Variants in MPP2 observed in about 807,000 individuals in gnomAD.
MPP2 encodes the protein MAGUK p55 subfamily member 2.
MPP2 carries 42 observed loss-of-function variants against 58.5 expected under a neutral mutation model. That is an observed-to-expected ratio of 0.72 (90% CI 0.56 to 0.93). The LOEUF is 0.93. MPP2 is among the 40% of genes least tolerant of loss of function. The pLI is 0.00. For missense variants in MPP2, 632 were observed against 760.4 expected (o/e 0.83, Z 1.99); for synonymous variants, 300 against 307.8 (o/e 0.97, Z 0.26).
chr17:43,902,268 A>G (rs1254083650), intron 2 of MPP2, among the ~76,000 whole-genome samples: 1 of 151,848 alleles, frequency 6.6e-6, no homozygotes, highest in Non-Finnish European at 1.5e-5. Flanking sequence ...CCAAGGCTCC[A>G]CTCCCTGTCC....
chr17:43,909,143 C>T (rs914117542), upstream of MPP2, among the ~76,000 whole-genome samples: 2 of 152,090 alleles, frequency 1.3e-5, no homozygotes, highest in African/African-American at 4.8e-5. Flanking sequence ...CTCGGCTCGT[C>T]GCAACCTCTG....
At chr17:43,878,035 C>A in intron 12 of MPP2, 52 bp from the exon 13 acceptor site, 2 of 1,557,836 alleles carry the variant, frequency 1.3e-6, no homozygotes, top group South Asian at 1.2e-5. Flanking sequence ...AACTCACCCC[C>A]ACTGTCAGAA....
intron 2 of MPP2, among the ~76,000 whole-genome samples, chr17:43,899,772 C>T (rs1272017119): frequency 2.0e-5 from 3 of 152,076 alleles, no homozygotes; most frequent in African/African-American, 4.8e-5. Flanking sequence ...GCAGCTGGGC[C>T]GCAACAATGC....
chr17:43,881,542 G>A lies in MPP2; in HGVS notation c.729C>T (p.Leu243=), dbSNP rs146551557. ...HFDYDPARDS[L]IPCKEAGLRF... ...GCAGGCCTGCTTCCTTGCAGGGGAT[G>A]AGGCTGTCTCGGGCCGGGTCATAGT... Residue 243 remains leucine (L), a synonymous_variant, in exon 7 of 13, where the codon CTC becomes CTT. Transcript: ENST00000269095. The A allele has an allele frequency of 4.6e-5, 74 of 1,614,124 alleles. No individual in the cohort carries two copies. The African/African-American group carries it at 8.8e-4, about 19-fold the overall frequency.
chr17:43,882,073 T>C (rs550987420), intron 6 of MPP2, among the ~76,000 whole-genome samples: 37 of 152,338 alleles, frequency 2.4e-4, no homozygotes, highest in Non-Finnish European at 5.1e-4. Flanking sequence ...TGTGGCTGCG[T>C]GCATAATACC....
chr17:43,900,416 G>A (rs2048039618), intron 2 of MPP2: 1 of 1,534,754 alleles, frequency 6.5e-7, no homozygotes, highest in Non-Finnish European at 8.8e-7. Context: ...TCTGCTGGAG[G>A]AAGGTAGGCT....
chr17:43,890,002 C>T (rs546146230), intron 3 of MPP2, among the ~76,000 whole-genome samples: 62 of 151,682 alleles, frequency 4.1e-4, no homozygotes, highest in Middle Eastern at 3.4e-3. Context: ...TTAGTAGAGA[C>T]GGGGTTTCAC....
chr17:43,900,427 A>C, intron 2 of MPP2: 1 of 1,542,984 alleles, frequency 6.5e-7, no homozygotes, highest in Non-Finnish European at 8.7e-7. Flanking sequence ...AAGGTAGGCT[A>C]AGGGGCCAGC....
intron 3 of MPP2, chr17:43,884,049 T>G (rs929595700): frequency 5.7e-6 from 4 of 696,536 alleles, no homozygotes; most frequent in African/African-American, 3.5e-5. Flanking sequence ...TCTGAATCTT[T>G]GAAAGATCAT....
At chr17:43,907,156 AC>A in intron 1 of MPP2, 1 of 984,596 alleles carries the variant, frequency 1.0e-6, no homozygotes, top group African/African-American at 1.8e-5. Flanking sequence ...AGTACCCCCA[AC>A]CCGCACAGCC....
chr17:43,881,223 G>A, intron 8 of MPP2, 21 bp downstream of exon 8: 1 of 1,612,642 alleles, frequency 6.2e-7, no homozygotes, highest in Non-Finnish European at 8.5e-7. Context: ...TTGGAGGTGT[G>A]GGGTAGGGGG....
chr17:43,881,488 G>A lies in MPP2; in HGVS notation c.783C>T (p.Ile261=), dbSNP rs76832034. 2.3e-4 allele frequency: 370 copies of A among 1,614,152 alleles called. No homozygotes were observed. In the African/African-American group the frequency reaches 4.4e-3, roughly 19 times the overall value. The part of the protein sequence containing the change: ...LRFNAGDLLQ[I]VNQDDANWWQ... Reference sequence around the variant, plus strand: ...ACCAGTTGGCATCATCCTGGTTTACGATCTGGAGCAAGTCCCCGGCGTTGA... The same window carrying A: ...ACCAGTTGGCATCATCCTGGTTTACAATCTGGAGCAAGTCCCCGGCGTTGA... The change falls in exon 7 of 13, where the codon ATC becomes ATT. Residue 261 remains isoleucine, a synonymous_variant. Coordinates refer to ENST00000269095, the MANE Select transcript of MPP2 (RefSeq NM_005374.5).
chr17:43,883,076 G>C, intron 4 of MPP2, 24 bp from the exon 5 acceptor site: 3 of 1,599,010 alleles, frequency 1.9e-6, no homozygotes, highest in South Asian at 2.2e-5. Context: ...GGAAGAGAAG[G>C]GACAATGGGG....
At chr17:43,903,063 A>C (rs1432825410) in intron 2 of MPP2, among the ~76,000 whole-genome samples, 1 of 152,196 alleles carries the variant, frequency 6.6e-6, no homozygotes, top group Non-Finnish European at 1.5e-5. Context: ...AGGCAGGTGG[A>C]TCACCTGAGG....
chr17:43,895,119 T>C (rs1047585579), intron 3 of MPP2, among the ~76,000 whole-genome samples: 1 of 150,978 alleles, frequency 6.6e-6, no homozygotes, highest in Non-Finnish European at 1.5e-5. Flanking sequence ...TTTATTTATT[T>C]ATTTTTTTTT....
chr17:43,887,548 A>G (rs868000947), intron 3 of MPP2, among the ~76,000 whole-genome samples: 32 of 151,878 alleles, frequency 2.1e-4, no homozygotes, highest in African/African-American at 7.5e-4. Flanking sequence ...TCACATAGAG[A>G]TCTCTGATCC....
At position 43,875,610 on chromosome 17, in the gene MPP2, C is replaced by G. The variant is rs1316317388; in HGVS notation, c.*2197G>C. The G allele has an allele frequency of 6.6e-6, 1 of 152,122 alleles. No individual in the cohort carries two copies. Among genetic ancestry groups the G allele is most frequent in the African/African-American group, 2.4e-5 (1 of 41,272 alleles). The allele number at this position is 152,122 out of a possible 1,614,324, so 9.4% of individuals were successfully genotyped here. A position where few individuals can be genotyped will look rare whatever the true frequency, so the allele number is the denominator to read the frequency against. ...GTTCCAACCCAGCCCCAGCCCTGTT[C>G]CAGGTGAGCCAAGGACTGACAGCCT... On this transcript the variant is annotated 3_prime_UTR_variant, in exon 13 of 13. Transcript: ENST00000269095.
chr17:43,897,670 C>T (rs1297937031), intron 3 of MPP2, among the ~76,000 whole-genome samples: 1 of 152,092 alleles, frequency 6.6e-6, no homozygotes, highest in East Asian at 1.9e-4. Flanking sequence ...CTCTTTCTTA[C>T]CTCTGTGCTT....
chr17:43,906,333 G>A (rs3785814), intron 1 of MPP2, among the ~76,000 whole-genome samples: 1 of 152,192 alleles, frequency 6.6e-6, no homozygotes, highest in African/African-American at 2.4e-5. Context: ...GTCCACAGGA[G>A]AACGGCAGTG....
Sources: allele counts gnomAD v4.1 joint callset (sites outside exome capture counted in the v4.1 genomes callset), GRCh38; gene constraint gnomAD v4.1.1; transcripts MANE v1.5; gene names NCBI Gene and HGNC (gene_info 2026-07-23, HGNC 2026-07-21).